MATN2: variants seen among roughly 807,000 people sequenced by gnomAD.
The protein encoded by MATN2 is matrilin-2.
MATN2 carries 69 observed loss-of-function variants against 103.2 expected under a neutral mutation model. The ratio of observed to expected loss-of-function variants is 0.67; its 90% CI spans 0.55 to 0.82. The LOEUF (loss-of-function observed/expected upper bound fraction) is 0.82. MATN2 is among the 40% of genes least tolerant of loss of function. The pLI is 0.00. For synonymous variants in MATN2, 429 were observed against 450.2 expected (o/e 0.95, Z 0.60); for missense variants, 1,023 against 1,211.5 (o/e 0.84, Z 2.31).
At chr8:97,948,569 G>C (rs747944833) in intron 4 of MATN2, among the ~76,000 whole-genome samples, 1 of 152,112 alleles carries the variant, frequency 6.6e-6, no homozygotes, top group Admixed American at 6.5e-5. Flanking sequence ...ATTTTTTGAC[G>C]GAGTGGGAAG....
At chr8:97,893,808 G>A (rs1259352610) in intron 2 of MATN2, among the ~76,000 whole-genome samples, 1 of 152,142 alleles carries the variant, frequency 6.6e-6, no homozygotes, top group African/African-American at 2.4e-5. Context: ...CTCCCAAAGT[G>A]CTGGGATTAC....
At chr8:97,894,788 G>A (rs977860935) in intron 2 of MATN2, among the ~76,000 whole-genome samples, 7 of 152,156 alleles carry the variant, frequency 4.6e-5, no homozygotes, top group Admixed American at 3.9e-4. Flanking sequence ...GCAATGTGAA[G>A]TTGTTGGCTG....
chr8:98,023,423 C>A (rs1813674073), intron 13 of MATN2, among the ~76,000 whole-genome samples: 1 of 152,138 alleles, frequency 6.6e-6, no homozygotes, highest in Non-Finnish European at 1.5e-5. Context: ...GTAATCCCAG[C>A]ACCTTGGGAA....
At chr8:97,918,962 G>A (rs985031769) in intron 2 of MATN2, among the ~76,000 whole-genome samples, 2 of 152,186 alleles carry the variant, frequency 1.3e-5, no homozygotes, top group South Asian at 4.1e-4. Context: ...TTGAATGCCA[G>A]ATATATCTGT....
chr8:97,915,894 A>G (rs1174889321), intron 2 of MATN2, among the ~76,000 whole-genome samples: 1 of 151,924 alleles, frequency 6.6e-6, no homozygotes, highest in African/African-American at 2.4e-5. Flanking sequence ...CTGTGTGTGT[A>G]TTACAATTTT....
intron 3 of MATN2, 125 bp from the exon 4 acceptor site, chr8:97,941,652 A>C: frequency 9.8e-7 from 1 of 1,024,562 alleles, no homozygotes; most frequent in Non-Finnish European, 1.4e-6. Flanking sequence ...GAGGGTAGGG[A>C]CTGCAGCTTA....
At chr8:98,026,483 T>G (rs1436060990) in intron 13 of MATN2, among the ~76,000 whole-genome samples, 1 of 152,138 alleles carries the variant, frequency 6.6e-6, no homozygotes, top group East Asian at 1.9e-4. Flanking sequence ...CTTGAACTCC[T>G]GTGCTCAAGC....
chr8:98,003,130 C>T (rs1247700073), intron 7 of MATN2, among the ~76,000 whole-genome samples: 4 of 151,612 alleles, frequency 2.6e-5, no homozygotes, highest in Non-Finnish European at 4.4e-5. Flanking sequence ...CCCTCATCCC[C>T]GGGCATTTGT....
At chr8:98,009,847 A>T (rs1813098839) in intron 10 of MATN2, among the ~76,000 whole-genome samples, 1 of 152,150 alleles carries the variant, frequency 6.6e-6, no homozygotes, top group Non-Finnish European at 1.5e-5. Context: ...CCCAGCACCA[A>T]GAAAGACTCT....
At chr8:98,024,934 T>C (rs2513809) in intron 13 of MATN2, 71,534 of 152,092 alleles carry the variant, frequency 0.47, 18,357 homozygotes, top group African/African-American at 0.67. Context: ...TCCACTCTAC[T>C]TTGTTTTGTG....
chr8:97,897,444 A>C (rs948519759), intron 2 of MATN2, among the ~76,000 whole-genome samples: 2 of 152,234 alleles, frequency 1.3e-5, no homozygotes, highest in African/African-American at 4.8e-5. Context: ...AATTGGCAAA[A>C]GGTGAGTTTC....
intron 10 of MATN2, among the ~76,000 whole-genome samples, chr8:98,015,576 A>C (rs58221824): frequency 0.015 from 2,280 of 151,964 alleles, 43 homozygotes; most frequent in African/African-American, 0.048. Context: ...ACCACCACTC[A>C]CTTCCTGTCT....
intron 4 of MATN2, among the ~76,000 whole-genome samples, chr8:97,959,646 G>A (rs565721988): frequency 6.6e-6 from 1 of 152,276 alleles, no homozygotes; most frequent in East Asian, 1.9e-4. Context: ...TGATTTGGGA[G>A]TGAAACTTCT....
intron 2 of MATN2, among the ~76,000 whole-genome samples, chr8:97,925,092 GC>G (rs1809947160): frequency 1.3e-5 from 2 of 152,164 alleles, no homozygotes; most frequent in African/African-American, 4.8e-5. Flanking sequence ...CTCCAGTACA[GC>G]CACGTGGTGG....
At chr8:98,033,475 C>T (rs920568418) in intron 17 of MATN2, 86 bp from the exon 18 acceptor site, 1 of 728,030 alleles carries the variant, frequency 1.4e-6, no homozygotes, top group Non-Finnish European at 2.3e-6. Flanking sequence ...TTATGGTTTC[C>T]TCCATATGCT....
In MATN2 at chr8:98,019,214, T is replaced by TACAC. The variant is rs139740649; in HGVS notation, c.1819+1112_1819+1115dup. 2.0e-5 allele frequency among the ~76,000 whole-genome samples: 3 copies of TACAC among 149,818 alleles called. 1 individual carries two copies. The highest frequency in any genetic ancestry group is 7.3e-5 in the African/African-American group (3 of 40,886). ...ATCATCTCCACAGGAAAAATGGACA[T>TACAC]ACACACACACACACACAAACACACA... On this transcript the variant is annotated intron_variant, in intron 12 of 18. Transcript: ENST00000254898.
intron 5 of MATN2, among the ~76,000 whole-genome samples, chr8:97,976,154 T>C (rs1397519851): frequency 6.6e-6 from 1 of 152,008 alleles, no homozygotes; most frequent in Non-Finnish European, 1.5e-5. Flanking sequence ...AGACAGAGTC[T>C]TGCTCTGTTG....
chr8:97,921,180 A>G (rs1480055610), intron 2 of MATN2, among the ~76,000 whole-genome samples: 1 of 152,154 alleles, frequency 6.6e-6, no homozygotes, highest in Non-Finnish European at 1.5e-5. Context: ...CATCGTATGC[A>G]GTGGTGTAGG....
chr8:97,975,110 A>G lies in MATN2; in HGVS notation c.959-3776A>G, dbSNP rs73278251. Among the ~76,000 whole-genome samples, 953 of 152,316 alleles carry G rather than the reference A, an allele frequency of 6.3e-3. 8 individuals are homozygous for G. Among genetic ancestry groups the G allele is most frequent in the African/African-American group, 0.021 (860 of 41,574 alleles). On this transcript the variant is annotated intron_variant, in intron 5 of 18. Transcript: ENST00000254898. ...TCCACCAAGGCTGCTTTATCAGCATACAACCCAGCCAATGTGAGGCGTGTA... is the reference window on the plus strand; with the variant it reads ...TCCACCAAGGCTGCTTTATCAGCATGCAACCCAGCCAATGTGAGGCGTGTA...
Sources: gnomAD v4.1 joint callset for allele counts (sites outside exome capture counted in the v4.1 genomes callset) on GRCh38, gnomAD v4.1.1 for gene constraint, MANE v1.5 for transcripts, NCBI Gene and HGNC (gene_info 2026-07-23, HGNC 2026-07-21) for gene names.